ALCAM: variants seen among roughly 807,000 people sequenced by gnomAD.
ALCAM encodes CD166 antigen.
In ALCAM, 30 loss-of-function variants were observed where a neutral mutation model predicts 70.9. The observed-to-expected ratio is 0.42, with a 90% CI of 0.32 to 0.57. The LOEUF (loss-of-function observed/expected upper bound fraction) is 0.57, where lower values mean the gene tolerates loss of function less well. Among genes scored for constraint, ALCAM ranks in the 20% least tolerant of loss-of-function variants. ALCAM has a pLI of 0.11. For missense variants in ALCAM, 591 were observed against 695.1 expected, an observed-to-expected ratio of 0.85 and a Z score of 1.68; for synonymous variants, 249 against 242.5, an observed-to-expected ratio of 1.03 and a Z score of -0.25.
intron 1 of ALCAM, among the ~76,000 whole-genome samples, chr3:105,381,511 T>C (rs1173223088): frequency 1.3e-5 from 2 of 152,034 alleles, no homozygotes; most frequent in East Asian, 3.9e-4. Flanking sequence ...ATATTCATTA[T>C]GTCATAGTTC....
chr3:105,417,557 T>C (rs1377824269), intron 1 of ALCAM, among the ~76,000 whole-genome samples: 1 of 151,848 alleles, frequency 6.6e-6, no homozygotes, highest in Non-Finnish European at 1.5e-5. Flanking sequence ...GGCCACTTGC[T>C]ACCTCTGGTA....
intron 1 of ALCAM, among the ~76,000 whole-genome samples, chr3:105,514,865 A>T (rs1166371548): frequency 6.6e-6 from 1 of 151,992 alleles, no homozygotes; most frequent in Non-Finnish European, 1.5e-5. Context: ...ACATATCCCT[A>T]CTTCAGATGC....
chr3:105,457,574 A>T (rs926205201), intron 1 of ALCAM, among the ~76,000 whole-genome samples: 14 of 152,090 alleles, frequency 9.2e-5, no homozygotes, highest in Admixed American at 4.6e-4. Context: ...ATTTTTTTTT[A>T]AATGTTAAGA....
In ALCAM at chr3:105,575,743, C is replaced by A. The variant is rs1940950480; in HGVS notation, c.*1292C>A. 1 of 151,968 alleles carries A rather than the reference C, an allele frequency of 6.6e-6. No homozygotes were observed. The highest frequency in any genetic ancestry group is 1.5e-5 in the Non-Finnish European group (1 of 67,996). 9.4% of individuals were successfully genotyped at this position (151,968 alleles called of 1,614,324 possible). A position where few individuals can be genotyped will look rare whatever the true frequency, so the allele number is the denominator to read the frequency against. ...TAAACTTTGCTCTTTCAAGCAGAAG[C>A]CTGGTTTCTGGGAGAACACTGCACA... On this transcript the variant is annotated 3_prime_UTR_variant, in exon 16 of 16. Transcript: ENST00000306107.
chr3:105,491,741 A>G lies in ALCAM; in HGVS notation c.74-28326A>G, dbSNP rs189810171. On this transcript the variant is annotated intron_variant, in intron 1 of 15. Coordinates refer to ENST00000306107, the MANE Select transcript of ALCAM (RefSeq NM_001627.4). Reference sequence around the variant, plus strand: ...AGCTCCAGTTCCCAACAAGTTCCTCATCTCTATTTGAGACCACTAGGCCTG... The same window carrying G: ...AGCTCCAGTTCCCAACAAGTTCCTCGTCTCTATTTGAGACCACTAGGCCTG... Among the ~76,000 whole-genome samples, 309 of 152,278 alleles carry G rather than the reference A, an allele frequency of 2.0e-3. 2 individuals carry two copies. The highest frequency in any genetic ancestry group is 7.1e-3 in the African/African-American group (293 of 41,544).
intron 1 of ALCAM, among the ~76,000 whole-genome samples, chr3:105,376,858 T>C (rs1350707195): frequency 6.6e-6 from 1 of 152,152 alleles, no homozygotes; most frequent in East Asian, 1.9e-4. Flanking sequence ...TTCTAACTCC[T>C]GGAGGTGAAA....
intron 1 of ALCAM, among the ~76,000 whole-genome samples, chr3:105,477,133 G>A (rs1044816085): frequency 3.3e-5 from 5 of 151,912 alleles, no homozygotes; most frequent in Admixed American, 1.3e-4. Context: ...TCCAGTTTCA[G>A]GTATGTCTTT....
intron 1 of ALCAM, among the ~76,000 whole-genome samples, chr3:105,471,875 A>G (rs1250798896): frequency 6.6e-6 from 1 of 151,310 alleles, no homozygotes; most frequent in African/African-American, 2.4e-5. Context: ...CCCATGCTGT[A>G]CAACAGATCT....
chr3:105,388,186 G>C, intron 1 of ALCAM, among the ~76,000 whole-genome samples: 1 of 151,562 alleles, frequency 6.6e-6, no homozygotes, highest in East Asian at 1.9e-4. Context: ...TTTATAAATA[G>C]AGCAATTAGA....
chr3:105,423,059 A>C (rs1170949651), intron 1 of ALCAM, among the ~76,000 whole-genome samples: 1 of 151,560 alleles, frequency 6.6e-6, no homozygotes, highest in African/African-American at 2.4e-5. Context: ...TCACAAGTAC[A>C]TTGTTTGAAA....
intron 11 of ALCAM, among the ~76,000 whole-genome samples, chr3:105,549,616 C>T (rs1454761425): frequency 4.6e-5 from 7 of 151,350 alleles, no homozygotes; most frequent in Non-Finnish European, 1.0e-4. Flanking sequence ...AAAAATCATC[C>T]ATCCTCTGTA....
chr3:105,506,164 T>G (rs1179539701), intron 1 of ALCAM, among the ~76,000 whole-genome samples: 1 of 152,226 alleles, frequency 6.6e-6, no homozygotes, highest in Admixed American at 6.5e-5. Flanking sequence ...AATATATGCC[T>G]GTTAATTAAA....
At position 105,400,140 on chromosome 3, in the gene ALCAM, T is replaced by C. The variant is rs1380597908; in HGVS notation, c.73+32659T>C. ...GTTAAGGCTGATAAAAGGGCATAGA[T>C]GCTTTTAAACATACACAGGAAGAAT... On this transcript the variant is annotated intron_variant, in intron 1 of 15. Coordinates refer to ENST00000306107, the MANE Select transcript of ALCAM (RefSeq NM_001627.4). Among the ~76,000 whole-genome samples, 9 of 152,190 alleles carry C rather than the reference T, an allele frequency of 5.9e-5. No homozygotes were observed. The East Asian group carries it at 1.7e-3, about 29-fold the overall frequency.
rs572527599 is a variant in ALCAM, at chr3:105,442,723, G to A, written c.73+75242G>A. ...GTGAACCCGGGAGGCGGAGCTTGCAGTGAGCCGAGATCGCACCACTGCACT... is the reference window on the plus strand; with the variant it reads ...GTGAACCCGGGAGGCGGAGCTTGCAATGAGCCGAGATCGCACCACTGCACT... On this transcript the variant is annotated intron_variant, in intron 1 of 15. Transcript: ENST00000306107. Among the ~76,000 whole-genome samples, 4 of 152,102 alleles carry A rather than the reference G, an allele frequency of 2.6e-5. No individual in the cohort carries two copies. In the South Asian group the frequency reaches 8.3e-4, roughly 32 times the overall value.
At chr3:105,475,412 A>G (rs1312370911) in intron 1 of ALCAM, among the ~76,000 whole-genome samples, 3 of 151,950 alleles carry the variant, frequency 2.0e-5, no homozygotes, top group Non-Finnish European at 4.4e-5. Context: ...TAAAACAGTA[A>G]ATTGCAATAT....
intron 1 of ALCAM, among the ~76,000 whole-genome samples, chr3:105,476,116 C>A (rs1273129857): frequency 6.6e-6 from 1 of 152,004 alleles, no homozygotes; most frequent in Non-Finnish European, 1.5e-5. Context: ...TTCATGCCTT[C>A]TCTGGTGCAT....
chr3:105,384,881 G>A (rs1272471148), intron 1 of ALCAM, among the ~76,000 whole-genome samples: 2 of 151,420 alleles, frequency 1.3e-5, no homozygotes, highest in Non-Finnish European at 3.0e-5. Flanking sequence ...AGTAGCCAGA[G>A]CAAAGACATT....
chr3:105,379,951 C>T (rs1935475082), intron 1 of ALCAM, among the ~76,000 whole-genome samples: 1 of 151,672 alleles, frequency 6.6e-6, no homozygotes, highest in Non-Finnish European at 1.5e-5. Flanking sequence ...TAGGTATACT[C>T]TTGAGAAACA....
At chr3:105,385,531 C>G (rs1935629971) in intron 1 of ALCAM, among the ~76,000 whole-genome samples, 1 of 151,652 alleles carries the variant, frequency 6.6e-6, no homozygotes, top group Non-Finnish European at 1.5e-5. Context: ...TGCCATGACG[C>G]TTAATTGATA....
Sources: gnomAD v4.1 joint callset for allele counts (sites outside exome capture counted in the v4.1 genomes callset) on GRCh38, gnomAD v4.1.1 for gene constraint, MANE v1.5 for transcripts, NCBI Gene and HGNC (gene_info 2026-07-23, HGNC 2026-07-21) for gene names.